LOC400499: variants seen among roughly 807,000 people sequenced by gnomAD.
At chr16:11,383,383 A>C in the LOC400499 span, among the ~76,000 whole-genome samples, 2 of 152,174 alleles carry the variant, frequency 1.3e-5, no homozygotes, top group Admixed American at 1.3e-4. Context: ...GCTTCTTTTT[A>C]AACAACCTGC....
At chr16:11,437,976 G>A in the LOC400499 span, among the ~76,000 whole-genome samples, 4 of 152,152 alleles carry the variant, frequency 2.6e-5, no homozygotes, top group African/African-American at 7.2e-5. Context: ...TCGATCGCAT[G>A]CGCTCTGAAA....
At chr16:11,509,573 G>C in the LOC400499 span, among the ~76,000 whole-genome samples, 1 of 150,822 alleles carries the variant, frequency 6.6e-6, no homozygotes, top group African/African-American at 2.4e-5. Flanking sequence ...GCTCATGCCT[G>C]TAATCCCAGC....
the LOC400499 span, among the ~76,000 whole-genome samples, chr16:11,489,207 G>C: frequency 6.6e-6 from 1 of 152,118 alleles, no homozygotes; most frequent in Non-Finnish European, 1.5e-5. Flanking sequence ...CTGCCTCTCC[G>C]AGCCTCAGTT....
the LOC400499 span, chr16:11,391,729 G>C: frequency 8.1e-7 from 1 of 1,232,090 alleles, no homozygotes; most frequent in East Asian, 3.2e-5. Context: ...AGAGGCAGGT[G>C]CTGGGTCAGT....
the LOC400499 span, among the ~76,000 whole-genome samples, chr16:11,506,812 C>A: frequency 6.6e-6 from 1 of 152,220 alleles, no homozygotes; most frequent in Non-Finnish European, 1.5e-5. Flanking sequence ...GGGGCAGAGG[C>A]ATTTCAAGCC....
chr16:11,461,008 C>A, the LOC400499 span: 3 of 1,535,956 alleles, frequency 2.0e-6, no homozygotes, highest in African/African-American at 2.7e-5. Flanking sequence ...CCAGAGCTGG[C>A]CCCGTTGCTG....
At chr16:11,393,574 G>T in the LOC400499 span, 9 of 1,232,354 alleles carry the variant, frequency 7.3e-6, no homozygotes, top group African/African-American at 1.5e-5. Flanking sequence ...GAGGGGGAAG[G>T]CAGAGGCCTG....
At chr16:11,463,218 T>A in the LOC400499 span, among the ~76,000 whole-genome samples, 1 of 152,010 alleles carries the variant, frequency 6.6e-6, no homozygotes, top group African/African-American at 2.4e-5. Flanking sequence ...ACTACAAATA[T>A]CATCTTTGAT....
chr16:11,426,763 T>C, the LOC400499 span, among the ~76,000 whole-genome samples: 1 of 145,210 alleles, frequency 6.9e-6, no homozygotes, highest in Non-Finnish European at 1.5e-5. Flanking sequence ...ACCCCACCTC[T>C]AAAAAAAAAA....
chr16:11,444,586 A>T, the LOC400499 span, among the ~76,000 whole-genome samples: 35 of 152,270 alleles, frequency 2.3e-4, no homozygotes, highest in South Asian at 7.0e-3. Flanking sequence ...CATGAAACCT[A>T]AACTAGTTAC....
At chr16:11,395,932 T>C in the LOC400499 span, among the ~76,000 whole-genome samples, 1 of 152,072 alleles carries the variant, frequency 6.6e-6, no homozygotes, top group Non-Finnish European at 1.5e-5. Flanking sequence ...GGTTCCTTCC[T>C]GGGATCACCT....
the LOC400499 span, among the ~76,000 whole-genome samples, chr16:11,420,463 A>C: frequency 2.1e-5 from 2 of 93,114 alleles, no homozygotes; most frequent in Non-Finnish European, 2.2e-5. Flanking sequence ...GGGAGGGGGG[A>C]GGGATAGCAT....
the LOC400499 span, among the ~76,000 whole-genome samples, chr16:11,510,882 A>C: frequency 6.6e-6 from 1 of 151,682 alleles, no homozygotes; most frequent in Non-Finnish European, 1.5e-5. Context: ...AAGGAGGGAT[A>C]AAGTCTCATT....
the LOC400499 span, chr16:11,401,927 T>A: frequency 7.5e-6 from 3 of 398,238 alleles, no homozygotes; most frequent in African/African-American, 2.1e-5. Flanking sequence ...TACAGCCTCA[T>A]TGACCCCAGA....
chr16:11,372,872 T>A, the LOC400499 span: 1 of 194,496 alleles, frequency 5.1e-6, no homozygotes, highest in South Asian at 1.7e-4. Flanking sequence ...CCACTCCCAC[T>A]CATCTCCCTC....
At chr16:11,450,880 C>G in the LOC400499 span, 1 of 1,451,732 alleles carries the variant, frequency 6.9e-7, no homozygotes, top group Non-Finnish European at 9.3e-7. Flanking sequence ...TTCTAGCAGG[C>G]AGCTGGAGGT....
the LOC400499 span, among the ~76,000 whole-genome samples, chr16:11,430,444 T>C: frequency 1.3e-5 from 2 of 152,054 alleles, no homozygotes; most frequent in African/African-American, 2.4e-5. Context: ...GAGCTGAGAT[T>C]GCTCCATTGC....
chr16:11,424,503 CCCAATACA>C, the LOC400499 span, among the ~76,000 whole-genome samples: 1 of 152,216 alleles, frequency 6.6e-6, no homozygotes, highest in Non-Finnish European at 1.5e-5. Context: ...TCCTACTGCA[CCCAATACA>C]CCAGGTTAAA....
At chr16:11,450,512 A>G in the LOC400499 span, 1 of 1,209,606 alleles carries the variant, frequency 8.3e-7, no homozygotes, top group East Asian at 2.6e-5. Context: ...GTGAGCTGCT[A>G]TCTGCCCACA....
Sources: allele counts gnomAD v4.1 joint callset (sites outside exome capture counted in the v4.1 genomes callset), GRCh38; gene constraint gnomAD v4.1.1; transcripts MANE v1.5.